The following MPHOSPH9 variants were observed in gnomAD, a reference collection of about 807,000 sequenced individuals.
MPHOSPH9 encodes M-phase phosphoprotein 9.
Under a neutral mutation model 145.5 loss-of-function variants are expected in MPHOSPH9, and 88 were observed. That is an observed-to-expected ratio of 0.60 (90% CI 0.51 to 0.72). The LOEUF is 0.72. MPHOSPH9 is among the 30% of genes least tolerant of loss of function. The pLI, the probability that MPHOSPH9 is intolerant of heterozygous loss-of-function variation, is 0.00. For synonymous variants in MPHOSPH9, 435 were observed against 486.2 expected, an observed-to-expected ratio of 0.89 and a Z score of 1.39; for missense variants, 1,238 against 1,386.6, an observed-to-expected ratio of 0.89 and a Z score of 1.70.
chr12:123,222,920 G>C (rs1243652330), intron 4 of MPHOSPH9, 118 bp downstream of exon 4: 2 of 607,972 alleles, frequency 3.3e-6, no homozygotes, highest in Non-Finnish European at 5.1e-6. Context: ...TGGGCAACAA[G>C]AGTGAGACTC....
At position 123,203,025 on chromosome 12, in the gene MPHOSPH9, T is replaced by G; in HGVS notation, c.1380A>C (p.Gln460His). The G allele has an allele frequency of 6.2e-7, 1 of 1,614,170 alleles. No homozygotes were observed. The highest frequency in any genetic ancestry group is 8.5e-7 in the Non-Finnish European group (1 of 1,180,026). The change falls in exon 10 of 24, where the codon CAA (glutamine) becomes CAC (histidine). Residue 460 changes from glutamine to histidine, a missense_variant. Coordinates refer to ENST00000606320, the MANE Select transcript of MPHOSPH9 (RefSeq NM_022782.4). ...MKPKQQISGIQPHGLPNALDD... is the reference protein window; with the variant it reads ...MKPKQQISGIHPHGLPNALDD... The stretch of plus-strand genomic sequence containing the variant: ...CAAGGGCATTCGGAAGGCCGTGAGG[T>G]TGAATCCCTGAAATCTGCTGCTTTG...
At chr12:123,218,267 C>G (rs1212285363) in intron 6 of MPHOSPH9, 109 bp downstream of exon 6, 2 of 1,453,198 alleles carry the variant, frequency 1.4e-6, no homozygotes, top group Admixed American at 4.5e-5. Context: ...TATAAATGAA[C>G]AAATTAACAA....
intron 1 of MPHOSPH9, among the ~76,000 whole-genome samples, chr12:123,231,327 C>T (rs1365957107): frequency 2.0e-5 from 3 of 152,066 alleles, no homozygotes; most frequent in African/African-American, 7.2e-5. Flanking sequence ...TACTTGCATG[C>T]CTTGTTCATT....
At chr12:123,158,034 G>A (rs1016491089) in intron 23 of MPHOSPH9, among the ~76,000 whole-genome samples, 1 of 151,450 alleles carries the variant, frequency 6.6e-6, no homozygotes, top group African/African-American at 2.4e-5. Context: ...CTGTTGCCCA[G>A]ACTGGAGTGC....
chr12:123,176,294 A>G (rs899576820), intron 16 of MPHOSPH9, among the ~76,000 whole-genome samples: 1 of 152,206 alleles, frequency 6.6e-6, no homozygotes, highest in Non-Finnish European at 1.5e-5. Context: ...CCTAATGAAG[A>G]TCCATCTTCA....
At chr12:123,219,124 C>T (rs1208154637) in intron 5 of MPHOSPH9, among the ~76,000 whole-genome samples, 1 of 151,826 alleles carries the variant, frequency 6.6e-6, no homozygotes, top group East Asian at 2.0e-4. Flanking sequence ...AGGCTGATCT[C>T]GAACTCCTGG....
chr12:123,216,924 G>A (rs908346552), intron 6 of MPHOSPH9, among the ~76,000 whole-genome samples: 1 of 151,914 alleles, frequency 6.6e-6, no homozygotes, highest in Non-Finnish European at 1.5e-5. Context: ...AGGAGACAGA[G>A]ATTGCAGTGA....
chr12:123,193,597 C>T (rs1034916523), intron 13 of MPHOSPH9, among the ~76,000 whole-genome samples: 1 of 152,092 alleles, frequency 6.6e-6, no homozygotes, highest in Admixed American at 6.6e-5. Context: ...GCCTGGGCAA[C>T]ATGGCGAGAC....
At chr12:123,179,803 G>A in intron 15 of MPHOSPH9, 123 bp downstream of exon 15, 2 of 425,548 alleles carry the variant, frequency 4.7e-6, no homozygotes, top group South Asian at 4.2e-5. Flanking sequence ...GGAAAATTAA[G>A]ACAAAACTAG....
In MPHOSPH9 at chr12:123,230,286, G is replaced by C. The variant is rs562698254; in HGVS notation, c.79C>G (p.Leu27Val). ...CTATCAGTATTTAAGTTCAGTCCAA[G>C]AGAATGAAGAGAATTTTCATCAGAT... Reference protein sequence around the residue: ...VGSDENSLHSLGLNLNTDRSS... With the variant: ...VGSDENSLHSVGLNLNTDRSS... The change falls in exon 2 of 24, where the codon CTT (leucine) becomes GTT (valine). Residue 27 changes from leucine to valine, a missense_variant. Physicochemically the swap from Leu to Val is conservative, Grantham distance 32. This residue lies in a region of MPHOSPH9 where 837 missense variants were observed against 897.5 expected (regional missense o/e 0.93). Coordinates refer to ENST00000606320, the MANE Select transcript of MPHOSPH9 (RefSeq NM_022782.4). 2 of 1,529,478 alleles carry C rather than the reference G, an allele frequency of 1.3e-6. No homozygotes were observed. Among genetic ancestry groups the C allele is most frequent in the East Asian group, 4.9e-5 (2 of 40,806 alleles). The allele number at this position is 1,529,478 out of a possible 1,614,324, so 94.7% of individuals were successfully genotyped here.
At chr12:123,227,344 G>T in intron 3 of MPHOSPH9, 119 bp downstream of exon 3, 1 of 714,364 alleles carries the variant, frequency 1.4e-6, no homozygotes, top group Non-Finnish European at 2.1e-6. Context: ...GACCACTTTA[G>T]CATTAACTTA....
At chr12:123,220,980 G>A (rs560568723) in intron 5 of MPHOSPH9, among the ~76,000 whole-genome samples, 5 of 152,200 alleles carry the variant, frequency 3.3e-5, no homozygotes, top group South Asian at 2.1e-4. Context: ...GCGTGAACCC[G>A]GGAGGCGGAG....
In MPHOSPH9 at chr12:123,223,088, A is replaced by G; in HGVS notation, c.298T>C (p.Cys100Arg). The change falls in exon 4 of 24, where the codon TGC becomes CGC. Residue 100 changes from cysteine to arginine, a missense_variant. Physicochemically the swap from Cys to Arg is radical, Grantham distance 180. Coordinates refer to ENST00000606320, the MANE Select transcript of MPHOSPH9 (RefSeq NM_022782.4). ...LQLFNLVEKQ[C>R]QEQIVAQQEQ... ...TGCTGGGCAACTATCTGTTCTTGGC[A>G]TTGTTTTTCCACCAAATTGAATAGC... 1 of 1,486,012 alleles carries G rather than the reference A, an allele frequency of 6.7e-7. No homozygotes were observed. Among genetic ancestry groups the G allele is most frequent in the Non-Finnish European group, 8.9e-7 (1 of 1,126,834 alleles). 92.1% of individuals were successfully genotyped at this position (1,486,012 alleles called of 1,614,324 possible).
intron 7 of MPHOSPH9, among the ~76,000 whole-genome samples, chr12:123,212,976 C>T (rs552412493): frequency 5.5e-4 from 83 of 150,884 alleles, no homozygotes; most frequent in East Asian, 4.9e-3. Flanking sequence ...TCTCCTGCCT[C>T]AGCCTCTTGA....
intron 6 of MPHOSPH9, among the ~76,000 whole-genome samples, chr12:123,217,005 A>C (rs2046995599): frequency 6.6e-6 from 1 of 151,776 alleles, no homozygotes; most frequent in South Asian, 2.1e-4. Context: ...ATAAATAAAT[A>C]AATAAATAAA....
chr12:123,180,493 A>G (rs1186491517), intron 14 of MPHOSPH9, among the ~76,000 whole-genome samples: 4 of 152,204 alleles, frequency 2.6e-5, no homozygotes, highest in Admixed American at 6.5e-5. Flanking sequence ...GTCTCCAAAC[A>G]GAGCTTTCAA....
chr12:123,232,662 G>T (rs2047707885), intron 1 of MPHOSPH9, among the ~76,000 whole-genome samples: 1 of 152,054 alleles, frequency 6.6e-6, no homozygotes, highest in Non-Finnish European at 1.5e-5. Context: ...GGTCAAAGTG[G>T]GAAGGAGAGG....
chr12:123,217,585 T>A (rs1450426187), intron 6 of MPHOSPH9, among the ~76,000 whole-genome samples: 2 of 152,164 alleles, frequency 1.3e-5, no homozygotes, highest in East Asian at 3.8e-4. Context: ...AATGGATTAC[T>A]CTCTGGCTAA....
At chr12:123,166,103 T>C (rs1456648840) in intron 17 of MPHOSPH9, among the ~76,000 whole-genome samples, 1 of 152,028 alleles carries the variant, frequency 6.6e-6, no homozygotes, top group Admixed American at 6.6e-5. Flanking sequence ...TGGGAGAGGA[T>C]CTACATCTTT....
Sources: gnomAD v4.1 joint callset for allele counts (sites outside exome capture counted in the v4.1 genomes callset) on GRCh38, gnomAD v4.1.1 for gene constraint, gnomAD v4.1.1 regional missense constraint, MANE v1.5 for transcripts, NCBI Gene and HGNC (gene_info 2026-07-23, HGNC 2026-07-21) for gene names.